Variants in PRR23C observed in about 807,000 individuals in gnomAD.
The protein encoded by PRR23C is proline rich 23C.
Under a neutral mutation model 0.1 loss-of-function variants are expected in PRR23C, and 1 was observed. That is an observed-to-expected ratio of 6.80 (90% confidence interval 2.41 to 32.24). PRR23C has a LOEUF of 32.24. PRR23C is among the 30% of genes most tolerant of loss of function. The pLI, the probability that PRR23C is intolerant of heterozygous loss-of-function variation, is 0.11. For missense variants in PRR23C, 361 were observed against 370.4 expected, an observed-to-expected ratio of 0.97 and a Z score of 0.21; for synonymous variants, 172 against 168.1, an observed-to-expected ratio of 1.02 and a Z score of -0.18.
Position 139,044,737 on chromosome 3 carries a change from G to T in PRR23C, c.-117C>A. 3 of 1,199,348 alleles carry T rather than the reference G, an allele frequency of 2.5e-6. No homozygotes were observed. Among genetic ancestry groups the T allele is most frequent in the Non-Finnish European group, 3.3e-6 (3 of 897,646 alleles). 74.3% of individuals were successfully genotyped at this position (1,199,348 alleles called of 1,614,324 possible). The stretch of plus-strand genomic sequence containing the variant: ...AGGTGTCGGCAGGACCGCGCGACGC[G>T]GGGCGAGTCCTCGGAGCTCTGGGGG... On this transcript the variant is annotated 5_prime_UTR_variant, in exon 1 of 1. Transcript: ENST00000413199. This position sits in a 1 kb window ranked among gnomAD's most constrained non-coding sequence, Gnocchi z 7.5.
At chr3:139,044,449 TG>T in the PRR23C span, 2 of 1,547,034 alleles carry the variant, frequency 1.3e-6, no homozygotes, top group Non-Finnish European at 1.7e-6. This position sits in a 1 kb window ranked among gnomAD's most constrained non-coding sequence, Gnocchi z 7.5. Flanking sequence ...ACCATGGAGG[TG>T]AGCGCGTCCA....
Position 139,044,060 on chromosome 3 carries a change from G to T in PRR23C, c.561C>A (p.Ser187Arg), listed in dbSNP as rs775122983. Residue 187 changes from serine to arginine, a missense_variant, in exon 1 of 1, where the codon AGC (serine) becomes AGA (arginine). Coordinates refer to ENST00000413199, the MANE Select transcript of PRR23C (RefSeq NM_001134657.1). The surrounding 1 kb of genome is among the most constrained non-coding windows in gnomAD (Gnocchi z 7.5). The stretch of plus-strand genomic sequence containing the variant: ...CTCGGATGGGGCCCTCCCGGTAGGG[G>T]CTGAACATACTTCTAGCGGAGGGGT... ...GLYPSARSMF[S>R]PYREGPIRGP... The T allele has an allele frequency of 5.0e-6, 8 of 1,613,656 alleles. No homozygotes were observed. In the South Asian group the frequency reaches 7.7e-5, roughly 16 times the overall value.
In PRR23C at chr3:139,044,162, C is replaced by A. The variant is rs763015261; in HGVS notation, c.459G>T (p.Glu153Asp). The A allele has an allele frequency of 9.2e-5, 148 of 1,613,250 alleles. No homozygotes were observed. Among genetic ancestry groups the A allele is most frequent in the Non-Finnish European group, 1.2e-4 (145 of 1,179,680 alleles). The part of the protein sequence containing the change: ...ASVPEIAAEE[E>D]AYEEDADSEF... ...CAGAGTCCGCGTCCTCCTCGTAGGC[C>A]TCTTCCTCGGCAGCGATCTCTGGGA... The change falls in exon 1 of 1, where the codon GAG becomes GAT. Residue 153 changes from glutamate to aspartate, a missense_variant. Coordinates refer to ENST00000413199, the MANE Select transcript of PRR23C (RefSeq NM_001134657.1). This position sits in a 1 kb window ranked among gnomAD's most constrained non-coding sequence, Gnocchi z 7.5.
In PRR23C at chr3:139,042,127, A is replaced by T. The variant is rs1445794573; in HGVS notation, c.*1705T>A. The T allele has an allele frequency of 3.9e-5, 6 of 152,188 alleles. No homozygotes were observed. The highest frequency in any genetic ancestry group is 5.9e-5 in the Non-Finnish European group (4 of 68,032). 9.4% of individuals were successfully genotyped at this position (152,188 alleles called of 1,614,324 possible). On this transcript the variant is annotated 3_prime_UTR_variant, in exon 1 of 1. Coordinates refer to ENST00000413199, the MANE Select transcript of PRR23C (RefSeq NM_001134657.1). ...GCATACAGAAAAAAAAGTTTCTTTA[A>T]TTTTTAACATTTAAAACCTTAAATG...
At position 139,044,719 on chromosome 3, in the gene PRR23C, G is replaced by T; in HGVS notation, c.-99C>A. The T allele has an allele frequency of 7.6e-7, 1 of 1,319,280 alleles. No individual in the cohort carries two copies. The highest frequency in any genetic ancestry group is 9.9e-7 in the Non-Finnish European group (1 of 1,005,334). 81.7% of individuals were successfully genotyped at this position (1,319,280 alleles called of 1,614,324 possible). A position where few individuals can be genotyped will look rare whatever the true frequency, so the allele number is the denominator to read the frequency against. ...AGTCCTCTTTGAGGTAACAGGTGTCGGCAGGACCGCGCGACGCGGGGCGAG... is the reference window on the plus strand; with the variant it reads ...AGTCCTCTTTGAGGTAACAGGTGTCTGCAGGACCGCGCGACGCGGGGCGAG... On this transcript the variant is annotated 5_prime_UTR_variant, in exon 1 of 1. Transcript: ENST00000413199. The surrounding 1 kb of genome is among the most constrained non-coding windows in gnomAD (Gnocchi z 7.5).
chr3:139,044,631 G>A lies in PRR23C; in HGVS notation c.-11C>T. The A allele has an allele frequency of 6.7e-7, 1 of 1,487,174 alleles. No individual in the cohort carries two copies. The highest frequency in any genetic ancestry group is 8.9e-7 in the Non-Finnish European group (1 of 1,128,306). 92.1% of individuals were successfully genotyped at this position (1,487,174 alleles called of 1,614,324 possible). On this transcript the variant is annotated 5_prime_UTR_variant, in exon 1 of 1. Transcript: ENST00000413199. The surrounding 1 kb of genome is among the most constrained non-coding windows in gnomAD (Gnocchi z 7.5). ...GGGCCGGCTGCCCATCACCTCGACG[G>A]CGCTGCGGACGGCGCTCCTGGGCCT...
rs1008325403 is a variant in PRR23C at position 139,043,751 on chromosome 3, G to A, written c.*81C>T. 5.5e-6 allele frequency: 7 copies of A among 1,277,198 alleles called. No individual in the cohort carries two copies. The African/African-American group carries it at 1.1e-4, about 19-fold the overall frequency. 79.1% of individuals were successfully genotyped at this position (1,277,198 alleles called of 1,614,324 possible). A position where few individuals can be genotyped will look rare whatever the true frequency, so the allele number is the denominator to read the frequency against. On this transcript the variant is annotated 3_prime_UTR_variant, in exon 1 of 1. Transcript: ENST00000413199. Reference sequence around the variant, plus strand: ...TATCCACTCTCCGAGATCCTTGTAGGTTGCGCAACATACACACAACGGCTA... The same window carrying A: ...TATCCACTCTCCGAGATCCTTGTAGATTGCGCAACATACACACAACGGCTA...
Position 139,044,370 on chromosome 3 carries a change from G to T in PRR23C, c.251C>A (p.Pro84Gln). 6.3e-7 allele frequency: 1 copy of T among 1,593,284 alleles called. No homozygotes were observed. The highest frequency in any genetic ancestry group is 1.1e-5 in the South Asian group (1 of 87,526). ...EDVDLVLELA[P>Q]MSVLRVSLGG... ...AAGAGACACTCGCAGGACCGACATTGGCGCGAGCTCCAGCACCAGGTCGAC... is the reference window on the plus strand; with the variant it reads ...AAGAGACACTCGCAGGACCGACATTTGCGCGAGCTCCAGCACCAGGTCGAC... The change falls in exon 1 of 1, where the codon CCA (proline) becomes CAA (glutamine). Residue 84 changes from proline (P) to glutamine (Q), a missense_variant. By Grantham distance (76) the Pro-to-Gln change is moderately conservative. Transcript: ENST00000413199. The surrounding 1 kb of genome is among the most constrained non-coding windows in gnomAD (Gnocchi z 7.5).
Position 139,042,481 on chromosome 3 carries a change from T to C in PRR23C, c.*1351A>G, listed in dbSNP as rs966417711. 6.6e-6 allele frequency: 1 copy of C among 152,176 alleles called. No individual in the cohort carries two copies. The highest frequency in any genetic ancestry group is 2.4e-5 in the African/African-American group (1 of 41,442). 9.4% of individuals were successfully genotyped at this position (152,176 alleles called of 1,614,324 possible). On this transcript the variant is annotated 3_prime_UTR_variant, in exon 1 of 1. Coordinates refer to ENST00000413199, the MANE Select transcript of PRR23C (RefSeq NM_001134657.1). ...TAGATTAAGGGTTATCTAACAACCATGTAAAGATCATACTTTATGGTAAAA... is the reference window on the plus strand; with the variant it reads ...TAGATTAAGGGTTATCTAACAACCACGTAAAGATCATACTTTATGGTAAAA...
rs1188993786 is a variant in PRR23C at position 139,043,994 on chromosome 3, G to T, written c.627C>A (p.Arg209=). Residue 209 remains arginine, a synonymous_variant, in exon 1 of 1, where the codon CGC becomes CGA. Coordinates refer to ENST00000413199, the MANE Select transcript of PRR23C (RefSeq NM_001134657.1). ...ALAPNPSSER[R]SPRPIFDLEF... ...CCAGGTCGAAGATGGGGCGTGGAGAGCGTCTCTCTGAACTGGGGTTGGGGG... is the reference window on the plus strand; with the variant it reads ...CCAGGTCGAAGATGGGGCGTGGAGATCGTCTCTCTGAACTGGGGTTGGGGG... 1.9e-6 allele frequency: 3 copies of T among 1,612,472 alleles called. No homozygotes were observed. The highest frequency in any genetic ancestry group is 1.3e-5 in the African/African-American group (1 of 75,034).
In PRR23C at chr3:139,044,326, C is replaced by G. The variant is rs757529460; in HGVS notation, c.295G>C (p.Val99Leu). The change falls in exon 1 of 1, where the codon GTG becomes CTG. Residue 99 changes from valine to leucine, a missense_variant. Val to Leu is a conservative substitution (Grantham distance 32). Transcript: ENST00000413199. This position sits in a 1 kb window ranked among gnomAD's most constrained non-coding sequence, Gnocchi z 7.5. Reference sequence around the variant, plus strand: ...GAGCTCAGGAGGACCTCGGGGATCACGATGAGGGTGTGTCCACCAAGAGAC... The same window carrying G: ...GAGCTCAGGAGGACCTCGGGGATCAGGATGAGGGTGTGTCCACCAAGAGAC... ...RVSLGGHTLI[V>L]IPEVLLSSVD... 13 of 1,609,686 alleles carry G rather than the reference C, an allele frequency of 8.1e-6. No homozygotes were observed. Among genetic ancestry groups the G allele is most frequent in the South Asian group, 2.2e-5 (2 of 90,056 alleles).
rs1311001237 is a variant in PRR23C, at chr3:139,042,878, C to G, written c.*954G>C. On this transcript the variant is annotated 3_prime_UTR_variant, in exon 1 of 1. Coordinates refer to ENST00000413199, the MANE Select transcript of PRR23C (RefSeq NM_001134657.1). ...CAGCCTGGCCAACATGGTGAAACCC[C>G]GTCTCTACTAAAAATACAAAATTAG... 2 of 152,192 alleles carry G rather than the reference C, an allele frequency of 1.3e-5. No individual in the cohort carries two copies. Among genetic ancestry groups the G allele is most frequent in the East Asian group, 3.8e-4 (2 of 5,202 alleles). The allele number at this position is 152,192 out of a possible 1,614,324, so 9.4% of individuals were successfully genotyped here.
chr3:139,044,334 G>A lies in PRR23C; in HGVS notation c.287C>T (p.Thr96Ile). The A allele has an allele frequency of 6.2e-7, 1 of 1,609,128 alleles. No homozygotes were observed. ...SVLRVSLGGH[T>I]LIVIPEVLLS... ...GAGGACCTCGGGGATCACGATGAGGGTGTGTCCACCAAGAGACACTCGCAG... is the reference window on the plus strand; with the variant it reads ...GAGGACCTCGGGGATCACGATGAGGATGTGTCCACCAAGAGACACTCGCAG... The change falls in exon 1 of 1, where the codon ACC becomes ATC. Residue 96 changes from threonine to isoleucine, a missense_variant. By Grantham distance (89) the Thr-to-Ile change is moderately conservative. Transcript: ENST00000413199. This position sits in a 1 kb window ranked among gnomAD's most constrained non-coding sequence, Gnocchi z 7.5.
rs1286773668 is a variant in PRR23C at position 139,043,771 on chromosome 3, C to CGGCTATCAGGAGA, written c.*48_*60dup. The stretch of plus-strand genomic sequence containing the variant: ...TGTAGGTTGCGCAACATACACACAA[C>CGGCTATCAGGAGA]GGCTATCAGGAGACGGTCTCCTGGA... On this transcript the variant is annotated 3_prime_UTR_variant, in exon 1 of 1. Transcript: ENST00000413199. 5 of 1,409,404 alleles carry CGGCTATCAGGAGA rather than the reference C, an allele frequency of 3.5e-6. No individual in the cohort carries two copies. In the East Asian group the frequency reaches 1.2e-4, roughly 35 times the overall value. 87.3% of individuals were successfully genotyped at this position (1,409,404 alleles called of 1,614,324 possible). A position where few individuals can be genotyped will look rare whatever the true frequency, so the allele number is the denominator to read the frequency against.
Position 139,044,839 on chromosome 3 carries a change from A to G in PRR23C, c.-219T>C. ...GTGTGGCTCAGCCTCGCGCGATGGA[A>G]ACTTGGGCCTTCCTGACGCAGACCC... On this transcript the variant is annotated 5_prime_UTR_variant, in exon 1 of 1. Transcript: ENST00000413199. The surrounding 1 kb of genome is among the most constrained non-coding windows in gnomAD (Gnocchi z 7.5). 1.8e-6 allele frequency: 1 copy of G among 544,808 alleles called. No individual in the cohort carries two copies. Among genetic ancestry groups the G allele is most frequent in the Non-Finnish European group, 3.2e-6 (1 of 314,268 alleles). 33.7% of individuals were successfully genotyped at this position (544,808 alleles called of 1,614,324 possible).
chr3:139,044,258 G>T lies in PRR23C; in HGVS notation c.363C>A (p.Gly121=). The change falls in exon 1 of 1, where the codon GGC becomes GGA. Residue 121 remains glycine (G), a synonymous_variant. Coordinates refer to ENST00000413199, the MANE Select transcript of PRR23C (RefSeq NM_001134657.1). The surrounding 1 kb of genome is among the most constrained non-coding windows in gnomAD (Gnocchi z 7.5). ...CSGAQGDWSA[G]LEVDVFLGAH... Reference sequence around the variant, plus strand: ...CGCCCAGGAAAACGTCCACTTCCAGGCCGGCAGACCAGTCGCCCTGCGCTC... The same window carrying T: ...CGCCCAGGAAAACGTCCACTTCCAGTCCGGCAGACCAGTCGCCCTGCGCTC... The T allele has an allele frequency of 6.2e-7, 1 of 1,609,418 alleles. No individual in the cohort carries two copies. Among genetic ancestry groups the T allele is most frequent in the Non-Finnish European group, 8.5e-7 (1 of 1,177,818 alleles).
the PRR23C span, chr3:139,044,470 TC>T: frequency 6.5e-7 from 1 of 1,540,430 alleles, no homozygotes; most frequent in Non-Finnish European, 8.7e-7. The surrounding 1 kb of genome is among the most constrained non-coding windows in gnomAD (Gnocchi z 7.5). Context: ...ACGGCCGGGG[TC>T]CCCGCCGGGT....
chr3:139,044,679 G>T lies in PRR23C; in HGVS notation c.-59C>A. On this transcript the variant is annotated 5_prime_UTR_variant, in exon 1 of 1. Coordinates refer to ENST00000413199, the MANE Select transcript of PRR23C (RefSeq NM_001134657.1). The surrounding 1 kb of genome is among the most constrained non-coding windows in gnomAD (Gnocchi z 7.5). ...CCTGGCAGGGGACGTGGGTGCGGGG[G>T]GCTCGGGGCGGCGAAGTCCTCTTTG... is the stretch of plus-strand genomic sequence containing the variant. The T allele has an allele frequency of 7.0e-7, 1 of 1,425,614 alleles. No homozygotes were observed. The highest frequency in any genetic ancestry group is 9.1e-7 in the Non-Finnish European group (1 of 1,096,186). 88.3% of individuals were successfully genotyped at this position (1,425,614 alleles called of 1,614,324 possible).
At position 139,043,620 on chromosome 3, in the gene PRR23C, C is replaced by T. The variant is rs138508491; in HGVS notation, c.*212G>A. The T allele has an allele frequency of 3.9e-6, 2 of 507,642 alleles. No homozygotes were observed. The highest frequency in any genetic ancestry group is 3.2e-5 in the East Asian group (1 of 31,158). The allele number at this position is 507,642 out of a possible 1,614,324, so 31.4% of individuals were successfully genotyped here. On this transcript the variant is annotated 3_prime_UTR_variant, in exon 1 of 1. Transcript: ENST00000413199. ...TGAAAGTAGACTGTATTTCAACTAG[C>T]GTATTTTTATGCTGAGGAGGAGGAT... is the stretch of plus-strand genomic sequence containing the variant.
Sources: allele counts gnomAD v4.1 joint callset, GRCh38; gene constraint gnomAD v4.1.1; non-coding constraint Gnocchi (gnomAD v3.1); transcripts MANE v1.5; gene names NCBI Gene and HGNC (gene_info 2026-07-23, HGNC 2026-07-21).